TENM3: variants seen among roughly 807,000 people sequenced by gnomAD.
The protein encoded by TENM3 is teneurin-3.
A neutral mutation model predicts 255.1 loss-of-function variants in TENM3; 63 were observed. That is an observed-to-expected ratio of 0.25 (90% CI 0.20 to 0.30). The LOEUF is 0.30. Ranked by LOEUF, TENM3 falls within the 10% of genes least tolerant of loss-of-function variation. The probability of loss-of-function intolerance (pLI) is 1.00; values close to 1 mark genes in which losing one functional copy is unlikely to be tolerated. For missense variants in TENM3, 2,929 were observed against 3,461.1 expected (o/e 0.85, Z 3.86); for synonymous variants, 1,306 against 1,322.3 (o/e 0.99, Z 0.27).
chr4:182,050,150 G>A, the TENM3 span, among the ~76,000 whole-genome samples: 2 of 151,830 alleles, frequency 1.3e-5, no homozygotes, highest in Admixed American at 6.6e-5. Context: ...CTGCCACCAC[G>A]CCTGGCTAAT....
At position 182,272,221 on chromosome 4, in the gene TENM3, A is replaced by G. The variant is rs148042292; in HGVS notation, c.-76+28745A>G. Reference sequence around the variant, plus strand: ...TTCCATAATAACGACTTACTTAACTATAGGTCATTAATCTCAATCCTCCAC... The same window carrying G: ...TTCCATAATAACGACTTACTTAACTGTAGGTCATTAATCTCAATCCTCCAC... On this transcript the variant is annotated intron_variant, in intron 1 of 27. Transcript: ENST00000511685. 9.1e-4 allele frequency among the ~76,000 whole-genome samples: 139 copies of G among 152,306 alleles called. 2 individuals carry two copies. Among genetic ancestry groups the G allele is most frequent in the African/African-American group, 3.2e-3 (134 of 41,574 alleles).
At chr4:182,337,086 GA>G (rs1283312270) in intron 2 of TENM3, among the ~76,000 whole-genome samples, 2 of 151,988 alleles carry the variant, frequency 1.3e-5, no homozygotes, top group Admixed American at 6.6e-5. Context: ...GTTTCTATTA[GA>G]AAACCGCAGT....
At chr4:182,787,797 A>C (rs943270286) in intron 24 of TENM3, among the ~76,000 whole-genome samples, 1 of 147,864 alleles carries the variant, frequency 6.8e-6, no homozygotes, top group Non-Finnish European at 1.5e-5. Context: ...GCCTCCTTAT[A>C]TTTTGTAAAT....
At chr4:182,309,499 TCA>T (rs1325320893) in intron 1 of TENM3, among the ~76,000 whole-genome samples, 1 of 152,210 alleles carries the variant, frequency 6.6e-6, no homozygotes, top group Non-Finnish European at 1.5e-5. Context: ...AGACTCTTCA[TCA>T]GTTTCATTCC....
the TENM3 span, among the ~76,000 whole-genome samples, chr4:181,616,050 C>A: frequency 6.6e-6 from 1 of 151,648 alleles, no homozygotes; most frequent in Non-Finnish European, 1.5e-5. Flanking sequence ...AACATGTTTC[C>A]CCCCCACACT....
the TENM3 span, among the ~76,000 whole-genome samples, chr4:181,592,637 A>G: frequency 6.9e-6 from 1 of 144,428 alleles, no homozygotes; most frequent in Non-Finnish European, 1.5e-5. Context: ...TGAAGTTACT[A>G]TTTTGGAGAC....
chr4:182,193,442 T>C (rs201908068), intron 1 of TENM3, among the ~76,000 whole-genome samples: 1 of 152,192 alleles, frequency 6.6e-6, no homozygotes, highest in East Asian at 1.9e-4. Flanking sequence ...TTCCAGTCTT[T>C]ACATTTATTG....
intron 5 of TENM3, among the ~76,000 whole-genome samples, chr4:182,635,345 T>G (rs1751754738): frequency 6.6e-6 from 1 of 152,188 alleles, no homozygotes; most frequent in African/African-American, 2.4e-5. Flanking sequence ...GTGTTACATG[T>G]CCACAGAATT....
chr4:181,534,685 C>G, the TENM3 span, among the ~76,000 whole-genome samples: 10 of 152,228 alleles, frequency 6.6e-5, no homozygotes, highest in Middle Eastern at 3.4e-3. Context: ...TCCTTCATGG[C>G]ATTTACCACA....
chr4:182,614,327 A>C (rs956854244), intron 4 of TENM3, among the ~76,000 whole-genome samples: 1 of 152,188 alleles, frequency 6.6e-6, no homozygotes, highest in Non-Finnish European at 1.5e-5. Flanking sequence ...ATTAGAAAGA[A>C]TCAATCCATT....
chr4:182,347,862 C>T (rs1764929302), intron 3 of TENM3, among the ~76,000 whole-genome samples: 1 of 151,830 alleles, frequency 6.6e-6, no homozygotes, highest in East Asian at 1.9e-4. Flanking sequence ...CATCAAAAAG[C>T]AAAGAGAAAA....
At chr4:182,505,282 T>C (rs1315006539) in intron 3 of TENM3, among the ~76,000 whole-genome samples, 1 of 151,992 alleles carries the variant, frequency 6.6e-6, no homozygotes, top group Non-Finnish European at 1.5e-5. Context: ...AATTTCATTC[T>C]GCAAAGATGA....
chr4:182,441,435 T>G (rs537937802), intron 3 of TENM3, among the ~76,000 whole-genome samples: 10 of 152,218 alleles, frequency 6.6e-5, no homozygotes, highest in Non-Finnish European at 1.3e-4. Context: ...ATCTGGATTC[T>G]TCATTTCCAT....
chr4:182,760,249 C>T (rs1211198488), intron 22 of TENM3, among the ~76,000 whole-genome samples: 1 of 152,076 alleles, frequency 6.6e-6, no homozygotes, highest in Non-Finnish European at 1.5e-5. Context: ...AGAGTAATTC[C>T]AAGGAAACCA....
the TENM3 span, among the ~76,000 whole-genome samples, chr4:181,733,062 A>G: frequency 3.9e-3 from 595 of 152,304 alleles, 7 homozygotes; most frequent in Middle Eastern, 0.014. Context: ...GTGATTTTAT[A>G]TGGCCTGAAA....
the TENM3 span, among the ~76,000 whole-genome samples, chr4:181,985,733 C>T: frequency 6.6e-6 from 1 of 152,008 alleles, no homozygotes; most frequent in Non-Finnish European, 1.5e-5. Context: ...GGGGTTTTTT[C>T]CCTAACATAA....
rs749550549 is a variant in TENM3 at position 182,324,001 on chromosome 4, G to A, written c.-20G>A. Reference sequence around the variant, plus strand: ...AAGTTGTCACCAGCAGGACTGATGTGCACACAGAAGGAATGAAGTATGGAT... The same window carrying A: ...AAGTTGTCACCAGCAGGACTGATGTACACACAGAAGGAATGAAGTATGGAT... On this transcript the variant is annotated 5_prime_UTR_variant, in exon 2 of 28. Coordinates refer to ENST00000511685, the MANE Select transcript of TENM3 (RefSeq NM_001080477.4). 5.0e-6 allele frequency: 8 copies of A among 1,604,452 alleles called. No homozygotes were observed. The highest frequency in any genetic ancestry group is 6.8e-6 in the Non-Finnish European group (8 of 1,173,422).
the TENM3 span, among the ~76,000 whole-genome samples, chr4:182,006,444 C>T: frequency 6.6e-5 from 10 of 152,112 alleles, no homozygotes; most frequent in East Asian, 5.8e-4. Context: ...TTCTTGCAGG[C>T]TTAGTCTTGG....
At chr4:182,032,769 T>C in the TENM3 span, among the ~76,000 whole-genome samples, 1 of 152,174 alleles carries the variant, frequency 6.6e-6, no homozygotes, top group Non-Finnish European at 1.5e-5. Context: ...TTCTGCCTGA[T>C]TCTGTCTTGG....
Sources: allele counts gnomAD v4.1 joint callset (sites outside exome capture counted in the v4.1 genomes callset), GRCh38; gene constraint gnomAD v4.1.1; transcripts MANE v1.5; gene names NCBI Gene and HGNC (gene_info 2026-07-23, HGNC 2026-07-21).